LUC7L: variants seen among roughly 807,000 people sequenced by gnomAD.
The protein encoded by LUC7L is putative RNA-binding protein Luc7-like 1.
Under a neutral mutation model 51.1 loss-of-function variants are expected in LUC7L, and 29 were observed. That is an observed-to-expected ratio of 0.57 (90% CI 0.42 to 0.77). The LOEUF (loss-of-function observed/expected upper bound fraction) is 0.77. LUC7L is among the 30% of genes least tolerant of loss of function. The pLI, the probability that LUC7L is intolerant of heterozygous loss-of-function variation, is 0.00. For missense variants in LUC7L, 403 were observed against 511.9 expected (o/e 0.79, Z 2.05); for synonymous variants, 181 against 180.7 (o/e 1.00, Z -0.01).
rs2048965380 is a variant in LUC7L at position 189,951 on chromosome 16, G to C, written c.974+17C>G. Reference sequence around the variant, plus strand: ...CTCACTCCTGGTTGCAGCTACCGAAGGAGTCAGAGTAGTTACTTGTATTTC... The same window carrying C: ...CTCACTCCTGGTTGCAGCTACCGAACGAGTCAGAGTAGTTACTTGTATTTC... On this transcript the variant is annotated intron_variant, in intron 9 of 9. Coordinates refer to ENST00000293872, the MANE Select transcript of LUC7L (RefSeq NM_201412.3). The C allele has an allele frequency of 6.3e-7, 1 of 1,599,866 alleles. No individual in the cohort carries two copies. Among genetic ancestry groups the C allele is most frequent in the African/African-American group, 1.3e-5 (1 of 74,730 alleles).
In LUC7L at chr16:192,980, C is replaced by T; in HGVS notation, c.723G>A (p.Gln241=). ...TCTCCTCTCTCCTCCTCAAGCGATCCTGATTTCTCTTCTCCTGCTTTTCAG... is the reference window on the plus strand; with the variant it reads ...TCTCCTCTCTCCTCCTCAAGCGATCTTGATTTCTCTTCTCCTGCTTTTCAG... ...TVAEKQEKRN[Q]DRLRRREERE... Residue 241 remains glutamine (Q), a synonymous_variant, in exon 7 of 10, where the codon CAG becomes CAA. Transcript: ENST00000293872. 1 of 1,613,538 alleles carries T rather than the reference C, an allele frequency of 6.2e-7. No homozygotes were observed.
At chr16:198,930 T>A in intron 6 of LUC7L, 132 bp downstream of exon 6, 1 of 785,400 alleles carries the variant, frequency 1.3e-6, no homozygotes, top group East Asian at 2.8e-5. Flanking sequence ...TTCGCCCACC[T>A]CGGCCTCCCA....
chr16:212,793 T>A (rs1596651531), intron 3 of LUC7L, among the ~76,000 whole-genome samples: 1 of 152,078 alleles, frequency 6.6e-6, no homozygotes, highest in Non-Finnish European at 1.5e-5. Flanking sequence ...TTTTTTTTTT[T>A]TCCCGAGAGG....
chr16:222,594 G>A (rs536231057), intron 2 of LUC7L, among the ~76,000 whole-genome samples: 90 of 152,038 alleles, frequency 5.9e-4, no homozygotes, highest in South Asian at 3.1e-3. Context: ...AGCTGTGACT[G>A]AGCCACTGCA....
chr16:205,867 G>T, intron 5 of LUC7L, 137 bp downstream of exon 5: 1 of 968,426 alleles, frequency 1.0e-6, no homozygotes, highest in Non-Finnish European at 1.5e-6. Flanking sequence ...GGGATGACAG[G>T]CGTGAGCCAC....
chr16:194,095 G>A (rs1180451093), intron 6 of LUC7L, among the ~76,000 whole-genome samples: 6 of 150,940 alleles, frequency 4.0e-5, no homozygotes, highest in Admixed American at 1.3e-4. Context: ...GAGCCACCGC[G>A]CTTGGCCACT....
intron 4 of LUC7L, among the ~76,000 whole-genome samples, chr16:207,729 G>A (rs915015927): frequency 1.3e-5 from 2 of 152,176 alleles, no homozygotes; most frequent in Admixed American, 1.3e-4. Context: ...TATTGACAAC[G>A]CCGGGCGCGG....
chr16:221,186 ATTTTTTT>A (rs372906826), intron 2 of LUC7L, among the ~76,000 whole-genome samples: 20 of 101,246 alleles, frequency 2.0e-4, no homozygotes, highest in African/African-American at 5.6e-4. Flanking sequence ...CACCCAGCTA[ATTTTTTT>A]TTTTTTTTTT....
intron 2 of LUC7L, among the ~76,000 whole-genome samples, chr16:224,891 CAA>C (rs986215911): frequency 6.6e-5 from 10 of 152,046 alleles, no homozygotes; most frequent in Middle Eastern, 3.4e-3. Flanking sequence ...TGAGAGCTCC[CAA>C]AAGAGTCCCT....
In LUC7L at chr16:190,013, C is replaced by T; in HGVS notation, c.929G>A (p.Ser310Asn). ...RRHRSRSRSH[S>N]RGHRRASRDR... ...CCGGGAAGCCCGACGATGTCCCCGG[C>T]TGTGGCTCCGGGAACGGCTGCGGTG... is the stretch of plus-strand genomic sequence containing the variant. Residue 310 changes from serine to asparagine, a missense_variant, in exon 9 of 10, where the codon AGC becomes AAC. By Grantham distance (46) the Ser-to-Asn change is conservative. Around this residue, in one of 3 missense-constraint regions of LUC7L, gnomAD observed 206 missense variants for 218.3 expected, o/e 0.94. Transcript: ENST00000293872. The T allele has an allele frequency of 6.2e-7, 1 of 1,614,104 alleles. No individual in the cohort carries two copies. The highest frequency in any genetic ancestry group is 8.5e-7 in the Non-Finnish European group (1 of 1,180,002).
chr16:206,890 TAAA>T (rs67775388), intron 4 of LUC7L, among the ~76,000 whole-genome samples: 4 of 99,554 alleles, frequency 4.0e-5, no homozygotes, highest in African/African-American at 1.1e-4. Flanking sequence ...CCATCTTTAT[TAAA>T]AAAAAAAAAA....
At chr16:225,379 G>A (rs1383653073) in intron 2 of LUC7L, among the ~76,000 whole-genome samples, 2 of 151,476 alleles carry the variant, frequency 1.3e-5, no homozygotes, top group African/African-American at 2.4e-5. Context: ...CCAGCTACTC[G>A]GGAGGCTGAG....
At chr16:205,905 T>C in intron 5 of LUC7L, 99 bp downstream of exon 5, 1 of 1,429,678 alleles carries the variant, frequency 7.0e-7, no homozygotes, top group Non-Finnish European at 9.5e-7. Context: ...GTATAAATTT[T>C]TTAAAAAATG....
chr16:211,463 AAAC>A (rs1223496049), intron 3 of LUC7L, among the ~76,000 whole-genome samples: 3 of 152,180 alleles, frequency 2.0e-5, no homozygotes, highest in Admixed American at 6.6e-5. Flanking sequence ...CTCAAACAGA[AAAC>A]AACAACTATA....
chr16:223,293 G>GA (rs891490305), intron 2 of LUC7L, among the ~76,000 whole-genome samples: 86 of 152,196 alleles, frequency 5.7e-4, no homozygotes, highest in African/African-American at 1.9e-3. Flanking sequence ...AGCTTGCAGT[G>GA]AGTCAAGATC....
intron 3 of LUC7L, among the ~76,000 whole-genome samples, chr16:211,047 C>T (rs1030023990): frequency 4.6e-5 from 6 of 131,154 alleles, no homozygotes; most frequent in Non-Finnish European, 8.3e-5. Flanking sequence ...GGCAACACTC[C>T]GTCTCAAAAA....
At chr16:229,037 G>A (rs2050201438) in intron 1 of LUC7L, 8 of 1,426,534 alleles carry the variant, frequency 5.6e-6, no homozygotes, top group Non-Finnish European at 7.3e-6. Flanking sequence ...TACATAGGAA[G>A]GAGGCTGAAG....
At position 228,845 on chromosome 16, in the gene LUC7L, C is replaced by T. The variant is rs543715651; in HGVS notation, c.61+434G>A. 7 of 1,295,790 alleles carry T rather than the reference C, an allele frequency of 5.4e-6. No individual in the cohort carries two copies. The South Asian group carries it at 7.4e-5, about 14-fold the overall frequency. 80.3% of individuals were successfully genotyped at this position (1,295,790 alleles called of 1,614,324 possible). ...GCAATGGTACAGAACCAGAGCGGGC[C>T]AGGTTTTCGAGGCCCATCCGGCTCC... On this transcript the variant is annotated intron_variant, in intron 1 of 9. Transcript: ENST00000293872.
intron 2 of LUC7L, among the ~76,000 whole-genome samples, chr16:226,200 T>C (rs2050128514): frequency 6.6e-6 from 1 of 152,218 alleles, no homozygotes; most frequent in South Asian, 2.1e-4. Context: ...GAAGTTTTAA[T>C]ACATCTGAGC....
Sources: gnomAD v4.1 joint callset for allele counts (sites outside exome capture counted in the v4.1 genomes callset) on GRCh38, gnomAD v4.1.1 for gene constraint, gnomAD v4.1.1 regional missense constraint, MANE v1.5 for transcripts, NCBI Gene and HGNC (gene_info 2026-07-23, HGNC 2026-07-21) for gene names.